The following GNB1 variants were observed in gnomAD, a reference collection of about 807,000 sequenced individuals.
The protein encoded by GNB1 is G protein subunit beta 1, also known as guanine nucleotide-binding protein G(I)/G(S)/G(T) subunit beta-1.
Under a neutral mutation model 42.9 loss-of-function variants are expected in GNB1, and 2 were observed. The ratio of observed to expected loss-of-function variants is 0.05; its 90% CI spans 0.02 to 0.15. GNB1 has a LOEUF of 0.15. Ranked by LOEUF, GNB1 falls within the 10% of genes least tolerant of loss-of-function variation. The pLI is 1.00. For synonymous variants in GNB1, 183 were observed against 174.7 expected, an observed-to-expected ratio of 1.05 and a Z score of -0.38; for missense variants, 193 against 462.2, an observed-to-expected ratio of 0.42 and a Z score of 5.34.
intron 5 of GNB1, among the ~76,000 whole-genome samples, chr1:1,813,957 C>T (rs1222347680): frequency 6.6e-6 from 1 of 152,174 alleles, no homozygotes; most frequent in African/African-American, 2.4e-5. Flanking sequence ...ACACTTAAGT[C>T]TACTTTACTA....
chr1:1,820,049 A>G (rs1646910697), intron 3 of GNB1, among the ~76,000 whole-genome samples: 1 of 152,170 alleles, frequency 6.6e-6, no homozygotes, highest in African/African-American at 2.4e-5. Flanking sequence ...TGGGAATATT[A>G]TAAACTGATA....
intron 1 of GNB1, among the ~76,000 whole-genome samples, chr1:1,888,901 C>T (rs1650308492): frequency 1.3e-5 from 2 of 152,120 alleles, no homozygotes; most frequent in African/African-American, 4.8e-5. Context: ...TCAGTCCTAC[C>T]CTGGGGAGGC....
At chr1:1,818,065 C>A (rs1240350882) in intron 3 of GNB1, 190 bp from the exon 4 acceptor site, 5 of 507,930 alleles carry the variant, frequency 9.8e-6, no homozygotes, top group Non-Finnish European at 1.8e-5. Context: ...GTCCAGGCCA[C>A]GCTGAACAGA....
At chr1:1,851,433 TAGC>T (rs1647977994) in intron 1 of GNB1, among the ~76,000 whole-genome samples, 1 of 142,960 alleles carries the variant, frequency 7.0e-6, no homozygotes, top group Non-Finnish European at 1.5e-5. Flanking sequence ...AAAAAAAAAT[TAGC>T]AGGGCATGGT....
chr1:1,807,214 C>A lies in GNB1; in HGVS notation c.204-676G>T, dbSNP rs916103789. Among the ~76,000 whole-genome samples the A allele has an allele frequency of 2.6e-5, 4 of 152,122 alleles. No individual in the cohort carries two copies. In the East Asian group the frequency reaches 7.7e-4, roughly 29 times the overall value. ...TAGAGGCTCATGTCTTTAATCCCAA[C>A]ACTTTGGGAGGCCAAGGTAGGTGGA... On this transcript the variant is annotated intron_variant, in intron 5 of 11. Coordinates refer to ENST00000378609, the MANE Select transcript of GNB1 (RefSeq NM_002074.5).
intron 2 of GNB1, among the ~76,000 whole-genome samples, chr1:1,827,164 G>C (rs907221827): frequency 2.0e-5 from 3 of 152,206 alleles, no homozygotes; most frequent in African/African-American, 7.2e-5. Context: ...GACCTAAGAA[G>C]CTCAGCCGTC....
At chr1:1,868,032 A>C (rs1649039647) in intron 1 of GNB1, among the ~76,000 whole-genome samples, 1 of 152,188 alleles carries the variant, frequency 6.6e-6, no homozygotes, top group African/African-American at 2.4e-5. Context: ...TTACTTCTCC[A>C]AATCAAGTGA....
chr1:1,871,687 T>C (rs1649259124), intron 1 of GNB1, among the ~76,000 whole-genome samples: 1 of 152,224 alleles, frequency 6.6e-6, no homozygotes, highest in Non-Finnish European at 1.5e-5. Flanking sequence ...CCTATACCCA[T>C]TTTGAGCTTC....
chr1:1,816,644 C>CTTTTT (rs59065707), intron 4 of GNB1, among the ~76,000 whole-genome samples: 1 of 108,638 alleles, frequency 9.2e-6, no homozygotes, highest in African/African-American at 3.2e-5. Flanking sequence ...TTTTTATTAT[C>CTTTTT]TTTTTTTTTT....
chr1:1,851,565 A>G (rs1647985962), intron 1 of GNB1, among the ~76,000 whole-genome samples: 1 of 151,864 alleles, frequency 6.6e-6, no homozygotes, highest in Non-Finnish European at 1.5e-5. Flanking sequence ...AAAATTAACT[A>G]ATTAATTAAA....
At chr1:1,838,449 C>T (rs1388839106) in intron 2 of GNB1, among the ~76,000 whole-genome samples, 3 of 141,586 alleles carry the variant, frequency 2.1e-5, no homozygotes, top group Non-Finnish European at 3.1e-5. Flanking sequence ...TTTTTCTTTT[C>T]TTTTTTTTTT....
intron 3 of GNB1, among the ~76,000 whole-genome samples, chr1:1,823,242 G>GAAAA (rs745874003): frequency 1.6e-4 from 6 of 36,820 alleles, no homozygotes; most frequent in Admixed American, 7.2e-4. Flanking sequence ...ACTGTCTCCA[G>GAAAA]AAAAAAAAAA....
intron 1 of GNB1, among the ~76,000 whole-genome samples, chr1:1,880,886 G>C (rs1268900706): frequency 1.3e-5 from 2 of 150,454 alleles, no homozygotes; most frequent in Non-Finnish European, 3.0e-5. Flanking sequence ...TGTCCATGGA[G>C]CTTAGAAGAA....
intron 1 of GNB1, among the ~76,000 whole-genome samples, chr1:1,882,449 A>AAAAAAAAAAAAAAAAAAAG (rs1557953024): frequency 7.1e-6 from 1 of 140,912 alleles, no homozygotes; most frequent in Non-Finnish European, 1.5e-5. Context: ...AAAAAAAAAA[A>AAAAAAAAAAAAAAAAAAAG]AGAGAGAAGG....
At chr1:1,888,578 T>C (rs1421889933) in intron 1 of GNB1, among the ~76,000 whole-genome samples, 1 of 151,958 alleles carries the variant, frequency 6.6e-6, no homozygotes, top group Non-Finnish European at 1.5e-5. Context: ...TGGCTCACGC[T>C]CGTAATCCCA....
chr1:1,796,543 G>A (rs1646548759), intron 7 of GNB1, among the ~76,000 whole-genome samples: 1 of 152,228 alleles, frequency 6.6e-6, no homozygotes, highest in Non-Finnish European at 1.5e-5. Context: ...AATGGAGACA[G>A]TTACTATTTC....
chr1:1,848,890 T>C (rs1440244448), intron 1 of GNB1, among the ~76,000 whole-genome samples: 1 of 152,366 alleles, frequency 6.6e-6, no homozygotes, highest in East Asian at 1.9e-4. Context: ...TGGGTCTTTG[T>C]TCCCAGTTCC....
intron 1 of GNB1, among the ~76,000 whole-genome samples, chr1:1,882,266 G>T (rs971803639): frequency 3.3e-5 from 5 of 151,792 alleles, no homozygotes; most frequent in Admixed American, 1.3e-4. Flanking sequence ...TCTCTACTAA[G>T]ATACAAAAAA....
intron 7 of GNB1, among the ~76,000 whole-genome samples, chr1:1,796,138 T>C (rs900137294): frequency 2.0e-5 from 3 of 152,182 alleles, no homozygotes; most frequent in African/African-American, 4.8e-5. Flanking sequence ...TTATAAGATA[T>C]GTATTATGTT....
Sources: gnomAD v4.1 joint callset for allele counts (sites outside exome capture counted in the v4.1 genomes callset) on GRCh38, gnomAD v4.1.1 for gene constraint, MANE v1.5 for transcripts, NCBI Gene and HGNC (gene_info 2026-07-23, HGNC 2026-07-21) for gene names.